The following LRP8 variants were observed in gnomAD, a reference collection of about 807,000 sequenced individuals.
The protein encoded by LRP8 is low-density lipoprotein receptor-related protein 8.
In LRP8, 46 loss-of-function variants were observed where a neutral mutation model predicts 111.6. That is an observed-to-expected ratio of 0.41 (90% CI 0.33 to 0.53). The LOEUF is 0.53. Among genes scored for constraint, LRP8 ranks in the 20% least tolerant of loss-of-function variants. LRP8 has a pLI of 0.20. For synonymous variants in LRP8, 464 were observed against 511.2 expected (o/e 0.91, Z 1.24); for missense variants, 959 against 1,297.4 (o/e 0.74, Z 4.01).
chr1:53,300,786 C>G (rs955228301), intron 2 of LRP8, among the ~76,000 whole-genome samples: 3 of 152,246 alleles, frequency 2.0e-5, no homozygotes, highest in Admixed American at 6.5e-5. Context: ...GGGAGTTCCA[C>G]AAAGCCCTGC....
chr1:53,254,670 A>G (rs1646014339), intron 16 of LRP8, among the ~76,000 whole-genome samples: 1 of 152,198 alleles, frequency 6.6e-6, no homozygotes. Context: ...TGCTTAATAA[A>G]TACTTGTTGA....
chr1:53,308,282 GT>G (rs1444056981), intron 2 of LRP8, among the ~76,000 whole-genome samples: 5 of 152,252 alleles, frequency 3.3e-5, no homozygotes, highest in Non-Finnish European at 7.3e-5. Flanking sequence ...CAGAGAGTTA[GT>G]GCTGAGACAG....
chr1:53,306,187 T>C (rs1473305524), intron 2 of LRP8: 1 of 152,288 alleles, frequency 6.6e-6, no homozygotes, highest in Admixed American at 6.5e-5. Flanking sequence ...AGGCATCGCA[T>C]GCAGGCAATC....
Position 53,276,684 on chromosome 1 carries a change from GGGCTTAC to G in LRP8, c.883+1_883+7del. ...TGGGCGGGGCTGGGCGGTATGGAGG[GGGCTTAC>G]GGCAGTCGGCCTCGTCCGATTTGTC... On this transcript the variant is annotated splice_donor_variant and splice_donor_5th_base_variant and intron_variant, in intron 5 of 18. Coordinates refer to ENST00000306052, the MANE Select transcript of LRP8 (RefSeq NM_004631.5). LOFTEE classifies it high-confidence loss of function. The G allele has an allele frequency of 6.5e-7, 1 of 1,537,220 alleles. No individual in the cohort carries two copies.
chr1:53,297,964 T>C (rs748595522), intron 2 of LRP8, among the ~76,000 whole-genome samples: 3 of 151,504 alleles, frequency 2.0e-5, no homozygotes, highest in Non-Finnish European at 4.4e-5. Context: ...GTGGAAGGAG[T>C]GTCACCCCTT....
At chr1:53,319,070 T>C (rs923800652) in intron 2 of LRP8, among the ~76,000 whole-genome samples, 7 of 152,230 alleles carry the variant, frequency 4.6e-5, no homozygotes, top group African/African-American at 9.6e-5. Flanking sequence ...GCTCCAGAAC[T>C]ACCAATAACT....
chr1:53,278,863 G>A (rs554933813), intron 4 of LRP8, among the ~76,000 whole-genome samples: 4 of 149,990 alleles, frequency 2.7e-5, no homozygotes, highest in South Asian at 2.1e-4. Context: ...CACCTCCTGC[G>A]TTCCAGTGAT....
At chr1:53,283,088 C>T (rs1647167073) in intron 3 of LRP8, among the ~76,000 whole-genome samples, 1 of 152,112 alleles carries the variant, frequency 6.6e-6, no homozygotes. Flanking sequence ...GAACTTAATC[C>T]TCAATGTGAT....
chr1:53,264,431 G>A (rs1284512834), intron 9 of LRP8, 35 bp from the exon 10 acceptor site: 1 of 1,553,030 alleles, frequency 6.4e-7, no homozygotes, highest in Non-Finnish European at 8.8e-7. Context: ...TGGGGCAGAT[G>A]TTCCACCCAT....
chr1:53,273,967 A>AAAC (rs1414514386), intron 6 of LRP8, among the ~76,000 whole-genome samples: 1 of 151,478 alleles, frequency 6.6e-6, no homozygotes, highest in African/African-American at 2.4e-5. Context: ...GGAACAGTAA[A>AAAC]AACAAAAAAC....
intron 2 of LRP8, among the ~76,000 whole-genome samples, chr1:53,302,566 C>T (rs1386472588): frequency 6.6e-6 from 1 of 152,084 alleles, no homozygotes. Flanking sequence ...GGTTTTTGTT[C>T]CTCAGTTTGG....
At chr1:53,282,030 G>A (rs543737417) in intron 3 of LRP8, among the ~76,000 whole-genome samples, 77 of 152,276 alleles carry the variant, frequency 5.1e-4, no homozygotes, top group Non-Finnish European at 1.0e-3. Context: ...ATTTCTCCCC[G>A]GAGGCAGTGG....
chr1:53,278,993 T>A, intron 4 of LRP8, among the ~76,000 whole-genome samples: 1 of 150,548 alleles, frequency 6.6e-6, no homozygotes, highest in Admixed American at 6.6e-5. Context: ...TCTCCTGACC[T>A]CGTGATCCTC....
At chr1:53,256,179 C>A (rs1280813630) in intron 15 of LRP8, among the ~76,000 whole-genome samples, 2 of 152,252 alleles carry the variant, frequency 1.3e-5, no homozygotes, top group Non-Finnish European at 2.9e-5. Context: ...TCTACACTTG[C>A]TGCAGGTGAG....
In LRP8 at chr1:53,246,676, G is replaced by GT. The variant is rs1645736057; in HGVS notation, c.*341dup. ...CAACCAAACATCTTCTGTAAATATA[G>GT]TTTTTAAATGATGAGTAAGGTACTG... On this transcript the variant is annotated 3_prime_UTR_variant, in exon 19 of 19. Transcript: ENST00000306052. 1 of 206,670 alleles carries GT rather than the reference G, an allele frequency of 4.8e-6. No individual in the cohort carries two copies. The highest frequency in any genetic ancestry group is 1.0e-4 in the East Asian group (1 of 9,728). The allele number at this position is 206,670 out of a possible 1,614,324, so 12.8% of individuals were successfully genotyped here.
chr1:53,284,938 C>T (rs1647327758), intron 3 of LRP8, among the ~76,000 whole-genome samples: 1 of 152,110 alleles, frequency 6.6e-6, no homozygotes, highest in Non-Finnish European at 1.5e-5. Context: ...TTGGGTATTC[C>T]AATTCCTGTC....
chr1:53,277,099 G>A (rs1490711586), intron 4 of LRP8, 21 bp from the exon 5 acceptor site: 4 of 1,466,784 alleles, frequency 2.7e-6, no homozygotes, highest in African/African-American at 1.5e-5. Context: ...CAGAGAGCCG[G>A]TCGGCCCGCC....
At chr1:53,309,548 C>A (rs1179680544) in intron 2 of LRP8, among the ~76,000 whole-genome samples, 2 of 152,166 alleles carry the variant, frequency 1.3e-5, no homozygotes, top group African/African-American at 4.8e-5. Flanking sequence ...CTGGCAGGAG[C>A]CCCTTGAAGG....
At chr1:53,270,224 C>T (rs1646718552) in intron 8 of LRP8, among the ~76,000 whole-genome samples, 1 of 152,158 alleles carries the variant, frequency 6.6e-6, no homozygotes, top group Non-Finnish European at 1.5e-5. Flanking sequence ...GAAAATCTCA[C>T]ACCTAGAGAC....
Sources: allele counts gnomAD v4.1 joint callset (sites outside exome capture counted in the v4.1 genomes callset), GRCh38; gene constraint gnomAD v4.1.1; transcripts MANE v1.5; gene names NCBI Gene and HGNC (gene_info 2026-07-23, HGNC 2026-07-21).